Variants in LAMA2 observed in about 807,000 individuals in gnomAD.
The protein encoded by LAMA2 is laminin subunit alpha 2, also known as laminin subunit alpha-2.
LAMA2 carries 269 observed loss-of-function variants against 364.8 expected under a neutral mutation model. The ratio of observed to expected loss-of-function variants is 0.74; its 90% CI spans 0.67 to 0.82. The LOEUF is 0.82. Ranked by LOEUF, LAMA2 falls within the 40% of genes least tolerant of loss-of-function variation. The pLI is 0.00. For synonymous variants in LAMA2, 1,379 were observed against 1,370.6 expected (o/e 1.01, Z -0.14); for missense variants, 3,807 against 3,873.2 (o/e 0.98, Z 0.45).
intron 41 of LAMA2, among the ~76,000 whole-genome samples, chr6:129,430,947 A>G (rs181166373): frequency 3.9e-5 from 6 of 152,230 alleles, no homozygotes; most frequent in Admixed American, 2.0e-4. Flanking sequence ...GAAGAAGTAG[A>G]CCTTGGTTTA....
intron 1 of LAMA2, among the ~76,000 whole-genome samples, chr6:128,974,938 G>C (rs1334578269): frequency 6.6e-6 from 1 of 150,544 alleles, no homozygotes; most frequent in African/African-American, 2.5e-5. Flanking sequence ...TGCAAGCTCC[G>C]CCTCACGGGT....
chr6:129,152,647 G>A (rs1011805670), intron 7 of LAMA2, among the ~76,000 whole-genome samples: 2 of 152,092 alleles, frequency 1.3e-5, no homozygotes, highest in Non-Finnish European at 2.9e-5. Flanking sequence ...GCTAGGACTC[G>A]AGTTTTTGCC....
intron 24 of LAMA2, 123 bp from the exon 25 acceptor site, chr6:129,315,353 G>A: frequency 1.2e-6 from 1 of 825,318 alleles, no homozygotes; most frequent in Non-Finnish European, 2.0e-6. Flanking sequence ...GAGTTCTGTT[G>A]CTTGTGAGAA....
At chr6:129,422,287 A>AG (rs1483874884) in intron 40 of LAMA2, among the ~76,000 whole-genome samples, 1 of 152,078 alleles carries the variant, frequency 6.6e-6, no homozygotes, top group Non-Finnish European at 1.5e-5. Flanking sequence ...CCTAAAAAGC[A>AG]GGGAAAAAAA....
chr6:129,442,957 A>T (rs1316538515), intron 43 of LAMA2, 106 bp from the exon 44 acceptor site: 1 of 796,988 alleles, frequency 1.3e-6, no homozygotes, highest in Non-Finnish European at 2.1e-6. Flanking sequence ...AGTACCTGTT[A>T]TGAAAAATAC....
At chr6:129,087,427 G>A (rs1774448427) in intron 3 of LAMA2, among the ~76,000 whole-genome samples, 1 of 152,142 alleles carries the variant, frequency 6.6e-6, no homozygotes, top group Non-Finnish European at 1.5e-5. Flanking sequence ...GCACATACAG[G>A]GGTTGGAGAG....
intron 40 of LAMA2, among the ~76,000 whole-genome samples, chr6:129,414,811 CA>C (rs1477690967): frequency 6.6e-6 from 1 of 152,158 alleles, no homozygotes; most frequent in Non-Finnish European, 1.5e-5. Flanking sequence ...ACTTTTCTCT[CA>C]ACTAAGCTCA....
chr6:129,209,717 T>C (rs1782955644), intron 12 of LAMA2, among the ~76,000 whole-genome samples: 1 of 152,094 alleles, frequency 6.6e-6, no homozygotes, highest in Non-Finnish European at 1.5e-5. Flanking sequence ...AAAATGTTTA[T>C]TATTGGCCGG....
At chr6:129,107,585 T>C (rs1775907486) in intron 4 of LAMA2, among the ~76,000 whole-genome samples, 1 of 152,086 alleles carries the variant, frequency 6.6e-6, no homozygotes, top group African/African-American at 2.4e-5. Flanking sequence ...CAGGGCCAAG[T>C]AGACAAAAAT....
chr6:129,250,281 T>A, intron 13 of LAMA2, 68 bp downstream of exon 13: 3 of 963,272 alleles, frequency 3.1e-6, no homozygotes, highest in Non-Finnish European at 5.1e-6. Context: ...AGTACTGTAT[T>A]TTTTACCTGC....
chr6:129,243,889 G>C, intron 12 of LAMA2, among the ~76,000 whole-genome samples: 1 of 151,784 alleles, frequency 6.6e-6, no homozygotes, highest in East Asian at 1.9e-4. Flanking sequence ...AGAGGAGAAG[G>C]AGATGAAGAA....
chr6:129,431,113 TG>T (rs1781567290), intron 41 of LAMA2, among the ~76,000 whole-genome samples: 1 of 152,070 alleles, frequency 6.6e-6, no homozygotes. Flanking sequence ...ATAGGTAACA[TG>T]TTGGCCAGGT....
At position 129,438,779 on chromosome 6, in the gene LAMA2, C is replaced by T. The variant is rs185719358; in HGVS notation, c.6085+17C>T. ...TTCCAAATGGTAAGCATTCAGGACACTACCAACTGTGTCAGTTGACCTGAA... is the reference window on the plus strand; with the variant it reads ...TTCCAAATGGTAAGCATTCAGGACATTACCAACTGTGTCAGTTGACCTGAA... On this transcript the variant is annotated intron_variant, in intron 42 of 64. Transcript: ENST00000421865. The T allele has an allele frequency of 1.2e-4, 141 of 1,222,264 alleles. 2 individuals are homozygous for T. In the Admixed American group the frequency reaches 1.9e-3, roughly 17 times the overall value. 75.7% of individuals were successfully genotyped at this position (1,222,264 alleles called of 1,614,324 possible). A position where few individuals can be genotyped will look rare whatever the true frequency, so the allele number is the denominator to read the frequency against.
At chr6:129,377,515 G>C (rs1233086429) in intron 34 of LAMA2, among the ~76,000 whole-genome samples, 2 of 152,144 alleles carry the variant, frequency 1.3e-5, no homozygotes, top group African/African-American at 2.4e-5. Flanking sequence ...GGGTCAGCTG[G>C]TTGCTCCTTC....
chr6:129,125,866 T>C (rs956141111), intron 4 of LAMA2, among the ~76,000 whole-genome samples: 1 of 152,176 alleles, frequency 6.6e-6, no homozygotes, highest in Admixed American at 6.5e-5. Context: ...TTATTCCACA[T>C]TGCATTCATA....
At chr6:129,399,506 C>G (rs754993020) in intron 37 of LAMA2, among the ~76,000 whole-genome samples, 3 of 152,168 alleles carry the variant, frequency 2.0e-5, no homozygotes, top group African/African-American at 4.8e-5. Flanking sequence ...AAATTACTTC[C>G]TTAAGGTTTC....
At chr6:129,371,159 T>C (rs559869741) in intron 34 of LAMA2, among the ~76,000 whole-genome samples, 1 of 152,186 alleles carries the variant, frequency 6.6e-6, no homozygotes, top group Non-Finnish European at 1.5e-5. Flanking sequence ...CAAGCACACA[T>C]AAATGTTCAT....
chr6:128,981,971 G>T (rs965425240), intron 1 of LAMA2, among the ~76,000 whole-genome samples: 1 of 152,068 alleles, frequency 6.6e-6, no homozygotes, highest in Non-Finnish European at 1.5e-5. Context: ...TAGCACATAG[G>T]CTGTCCCTCT....
At position 129,505,181 on chromosome 6, in the gene LAMA2, A is replaced by G. The variant is rs769123899; in HGVS notation, c.8548-19A>G. On this transcript the variant is annotated intron_variant, in intron 60 of 64. Coordinates refer to ENST00000421865, the MANE Select transcript of LAMA2 (RefSeq NM_000426.4). The stretch of plus-strand genomic sequence containing the variant: ...AATTTGTTCAGGATTGGCATTAATG[A>G]CTCCTTTCTTTTTTGTAGATTAAGA... 5.0e-6 allele frequency: 8 copies of G among 1,609,804 alleles called. No homozygotes were observed. Among genetic ancestry groups the G allele is most frequent in the Admixed American group, 3.3e-5 (2 of 59,990 alleles).
Sources: gnomAD v4.1 joint callset for allele counts (sites outside exome capture counted in the v4.1 genomes callset) on GRCh38, gnomAD v4.1.1 for gene constraint, MANE v1.5 for transcripts, NCBI Gene and HGNC (gene_info 2026-07-23, HGNC 2026-07-21) for gene names.